Variants in EYS observed in about 807,000 individuals in gnomAD.
The protein encoded by EYS is EGF-like photoreceptor maintenance factor, also known as protein eyes shut homolog.
EYS carries 250 observed loss-of-function variants against 282.1 expected under a neutral mutation model. The ratio of observed to expected loss-of-function variants is 0.89; its 90% CI spans 0.80 to 0.98. The LOEUF (loss-of-function observed/expected upper bound fraction) is 0.98, where lower values mean the gene tolerates loss of function less well. EYS is among the 50% of genes least tolerant of loss of function. The probability of loss-of-function intolerance (pLI) is 0.00; values close to 1 mark genes in which losing one functional copy is unlikely to be tolerated. For synonymous variants in EYS, 1,355 were observed against 1,282.9 expected (o/e 1.06, Z -1.20); for missense variants, 4,016 against 3,709.0 (o/e 1.08, Z -2.15).
intron 26 of EYS, among the ~76,000 whole-genome samples, chr6:64,544,221 C>T (rs1175613686): frequency 3.3e-5 from 5 of 152,092 alleles, no homozygotes; most frequent in South Asian, 2.1e-4. Flanking sequence ...CCTGTACACT[C>T]GCTAAGAGAA....
chr6:63,974,374 T>C (rs1766732210), intron 35 of EYS, among the ~76,000 whole-genome samples: 1 of 151,958 alleles, frequency 6.6e-6, no homozygotes, highest in Admixed American at 6.6e-5. Context: ...CAAAAAAACA[T>C]ATTACCAGGT....
intron 12 of EYS, among the ~76,000 whole-genome samples, chr6:65,116,854 G>A (rs968705478): frequency 1.3e-4 from 19 of 150,558 alleles, no homozygotes; most frequent in Non-Finnish European, 2.8e-4. Flanking sequence ...TTGTGATTAT[G>A]AAACTTGAGT....
intron 31 of EYS, among the ~76,000 whole-genome samples, chr6:64,169,249 C>T (rs1257706344): frequency 6.6e-6 from 1 of 151,772 alleles, no homozygotes; most frequent in Non-Finnish European, 1.5e-5. Context: ...AGAAGTTTCC[C>T]AATGATTCAG....
chr6:65,373,335 A>C (rs1255398299), intron 8 of EYS, among the ~76,000 whole-genome samples: 1 of 152,128 alleles, frequency 6.6e-6, no homozygotes, highest in African/African-American at 2.4e-5. Flanking sequence ...TTTCATGTTA[A>C]ATGCTAAATG....
intron 37 of EYS, among the ~76,000 whole-genome samples, chr6:63,804,205 G>A (rs1770848609): frequency 6.6e-6 from 1 of 151,944 alleles, no homozygotes; most frequent in South Asian, 2.1e-4. Flanking sequence ...TAGTAGAGAC[G>A]GGGTTTCTCC....
intron 5 of EYS, among the ~76,000 whole-genome samples, chr6:65,424,003 A>G (rs1489176399): frequency 1.3e-5 from 2 of 151,822 alleles, no homozygotes; most frequent in Admixed American, 1.3e-4. Context: ...TTAGCCCCCT[A>G]TTTCAAAGTC....
intron 5 of EYS, among the ~76,000 whole-genome samples, chr6:65,434,481 C>T (rs1209246940): frequency 6.6e-6 from 1 of 152,018 alleles, no homozygotes; most frequent in East Asian, 1.9e-4. Context: ...CCACCACGCC[C>T]AGCTAAATTT....
At chr6:63,722,289 C>T (rs1388259553) in intron 42 of EYS, among the ~76,000 whole-genome samples, 1 of 152,036 alleles carries the variant, frequency 6.6e-6, no homozygotes, top group African/African-American at 2.4e-5. Flanking sequence ...AGGAACACTC[C>T]GCCACCCCAT....
At chr6:64,842,398 C>T (rs564852020) in intron 19 of EYS, among the ~76,000 whole-genome samples, 5 of 151,668 alleles carry the variant, frequency 3.3e-5, no homozygotes, top group Non-Finnish European at 5.9e-5. Flanking sequence ...CCCATAATTC[C>T]GTGTTGTGGG....
intron 35 of EYS, among the ~76,000 whole-genome samples, chr6:63,969,859 C>T (rs1766472881): frequency 6.6e-6 from 1 of 152,210 alleles, no homozygotes; most frequent in African/African-American, 2.4e-5. Flanking sequence ...CTCTTGCAAG[C>T]TGTTACCACG....
chr6:64,927,153 G>GA (rs1302225781), intron 15 of EYS, among the ~76,000 whole-genome samples: 4 of 151,682 alleles, frequency 2.6e-5, no homozygotes, highest in Non-Finnish European at 4.4e-5. Flanking sequence ...ACTTTGTGTG[G>GA]AAAAAAAAGG....
chr6:65,453,164 A>G (rs558528155), intron 5 of EYS, among the ~76,000 whole-genome samples: 1 of 152,150 alleles, frequency 6.6e-6, no homozygotes, highest in Admixed American at 6.5e-5. Flanking sequence ...CGAAGTCCAT[A>G]TACAAACATA....
intron 10 of EYS, among the ~76,000 whole-genome samples, chr6:65,340,055 G>T (rs1189053640): frequency 6.6e-6 from 1 of 150,988 alleles, no homozygotes; most frequent in African/African-American, 2.4e-5. Context: ...AAAGGGAACA[G>T]ATTTTAAAAA....
At chr6:64,532,750 G>A (rs892740487) in intron 26 of EYS, among the ~76,000 whole-genome samples, 1 of 151,830 alleles carries the variant, frequency 6.6e-6, no homozygotes, top group African/African-American at 2.4e-5. Context: ...ATATTCTGAG[G>A]AGAAAATTTT....
chr6:64,273,506 T>C (rs1239134278), intron 30 of EYS, among the ~76,000 whole-genome samples: 1 of 152,166 alleles, frequency 6.6e-6, no homozygotes, highest in East Asian at 1.9e-4. Context: ...AGTGTTTGTA[T>C]AGGCTCATGT....
intron 26 of EYS, among the ~76,000 whole-genome samples, chr6:64,492,505 T>C (rs1776769847): frequency 6.6e-6 from 1 of 151,158 alleles, no homozygotes; most frequent in Admixed American, 6.6e-5. Flanking sequence ...CTATTTAGCC[T>C]TTGTCTTGAA....
At chr6:64,096,245 C>T (rs565186226) in intron 31 of EYS, among the ~76,000 whole-genome samples, 16 of 152,222 alleles carry the variant, frequency 1.1e-4, no homozygotes, top group African/African-American at 3.6e-4. Flanking sequence ...TTGCTTTTCT[C>T]GAGGAGTATC....
intron 31 of EYS, among the ~76,000 whole-genome samples, chr6:64,164,390 C>A (rs1582368357): frequency 1.3e-5 from 2 of 152,102 alleles, no homozygotes; most frequent in East Asian, 3.9e-4. Flanking sequence ...CCCTAACATC[C>A]CTCTAAAAAT....
chr6:63,792,514 A>G (rs1770542246), intron 37 of EYS, among the ~76,000 whole-genome samples: 1 of 152,126 alleles, frequency 6.6e-6, no homozygotes, highest in South Asian at 2.1e-4. Context: ...GGTGCAGTAC[A>G]CCAACATTGC....
Sources: gnomAD v4.1 joint callset for allele counts (sites outside exome capture counted in the v4.1 genomes callset) on GRCh38, gnomAD v4.1.1 for gene constraint, MANE v1.5 for transcripts, NCBI Gene and HGNC (gene_info 2026-07-23, HGNC 2026-07-21) for gene names.